Variants in PAIP2B observed in about 807,000 individuals in gnomAD.
The protein encoded by PAIP2B is poly(A) binding protein interacting protein 2B, also known as polyadenylate-binding protein-interacting protein 2B.
In PAIP2B, 13 loss-of-function variants were observed where a neutral mutation model predicts 17.0. That is an observed-to-expected ratio of 0.76 (90% CI 0.50 to 1.22). The LOEUF (loss-of-function observed/expected upper bound fraction) is 1.22, where lower values mean the gene tolerates loss of function less well. Among genes scored for constraint, PAIP2B ranks in the 50% most tolerant of loss-of-function variants. PAIP2B has a pLI of 0.00. For missense variants in PAIP2B, 117 were observed against 144.5 expected (o/e 0.81, Z 0.98); for synonymous variants, 43 against 48.7 (o/e 0.88, Z 0.48).
chr2:71,220,616 G>T (rs1328325377), intron 1 of PAIP2B, among the ~76,000 whole-genome samples: 1 of 152,160 alleles, frequency 6.6e-6, no homozygotes, highest in African/African-American at 2.4e-5. Context: ...TATTTGTATA[G>T]TGCTCCAGAG....
At chr2:71,190,892 T>C (rs1458035992) in intron 2 of PAIP2B, among the ~76,000 whole-genome samples, 4 of 152,234 alleles carry the variant, frequency 2.6e-5, no homozygotes, top group Non-Finnish European at 5.9e-5. Context: ...AGAACACTTT[T>C]TGGCATACCA....
chr2:71,203,683 C>T (rs1675047603), intron 1 of PAIP2B, among the ~76,000 whole-genome samples: 1 of 150,974 alleles, frequency 6.6e-6, no homozygotes, highest in African/African-American at 2.4e-5. Flanking sequence ...TATATCTTTT[C>T]CTTATCTTTT....
chr2:71,217,758 C>T (rs1366507645), intron 1 of PAIP2B, among the ~76,000 whole-genome samples: 1 of 152,120 alleles, frequency 6.6e-6, no homozygotes, highest in South Asian at 2.1e-4. Flanking sequence ...ATACCAAGAA[C>T]ACCACTAGCA....
chr2:71,193,287 G>A (rs746941586), intron 2 of PAIP2B, among the ~76,000 whole-genome samples: 3 of 151,932 alleles, frequency 2.0e-5, no homozygotes, highest in Non-Finnish European at 4.4e-5. Context: ...TTTTAATGGG[G>A]TTGTTTTTCT....
intron 1 of PAIP2B, among the ~76,000 whole-genome samples, chr2:71,213,030 T>C (rs1320354782): frequency 1.3e-5 from 2 of 152,024 alleles, no homozygotes; most frequent in African/African-American, 4.8e-5. Context: ...AGATTACAGA[T>C]GTGAGCCACT....
chr2:71,212,375 C>A (rs1224196955), intron 1 of PAIP2B, among the ~76,000 whole-genome samples: 1 of 152,142 alleles, frequency 6.6e-6, no homozygotes, highest in Non-Finnish European at 1.5e-5. Flanking sequence ...AGAATCAAGT[C>A]CTTTACAGCT....
intron 2 of PAIP2B, among the ~76,000 whole-genome samples, chr2:71,192,380 C>A (rs185312071): frequency 2.5e-3 from 381 of 151,418 alleles, no homozygotes; most frequent in African/African-American, 8.6e-3. Flanking sequence ...TGGTAATTCT[C>A]TCAATTTTTC....
chr2:71,220,063 T>C (rs1374573152), intron 1 of PAIP2B, among the ~76,000 whole-genome samples: 12 of 152,210 alleles, frequency 7.9e-5, no homozygotes, highest in Non-Finnish European at 1.8e-4. Context: ...ATAGTTTACT[T>C]AACCAGTTCC....
At chr2:71,203,469 C>A (rs915486568) in intron 1 of PAIP2B, among the ~76,000 whole-genome samples, 1 of 152,034 alleles carries the variant, frequency 6.6e-6, no homozygotes, top group African/African-American at 2.4e-5. Flanking sequence ...AAATTCCCAC[C>A]AGTGGTGTGG....
intron 1 of PAIP2B, among the ~76,000 whole-genome samples, chr2:71,212,343 C>G (rs1227535553): frequency 6.6e-6 from 1 of 152,136 alleles, no homozygotes; most frequent in African/African-American, 2.4e-5. Context: ...TAGTCTATAA[C>G]CTTGGAAGTT....
At chr2:71,206,231 T>C (rs1675124535) in intron 1 of PAIP2B, among the ~76,000 whole-genome samples, 1 of 152,176 alleles carries the variant, frequency 6.6e-6, no homozygotes, top group Admixed American at 6.5e-5. Flanking sequence ...CAATTTGAAA[T>C]AGGTCACTGC....
intron 1 of PAIP2B, among the ~76,000 whole-genome samples, chr2:71,222,298 G>T (rs548992181): frequency 6.6e-6 from 1 of 152,250 alleles, no homozygotes; most frequent in South Asian, 2.1e-4. Flanking sequence ...TTACTTCTGT[G>T]GCCACAAGTG....
Position 71,190,149 on chromosome 2 carries a change from G to A in PAIP2B, c.139-128C>T, listed in dbSNP as rs1385462945. 3 of 965,344 alleles carry A rather than the reference G, an allele frequency of 3.1e-6. No individual in the cohort carries two copies. The South Asian group carries it at 5.5e-5, about 18-fold the overall frequency. The allele number at this position is 965,344 out of a possible 1,614,324, so 59.8% of individuals were successfully genotyped here. A position where few individuals can be genotyped will look rare whatever the true frequency, so the allele number is the denominator to read the frequency against. On this transcript the variant is annotated intron_variant, in intron 2 of 3. Coordinates refer to ENST00000244221, the MANE Select transcript of PAIP2B (RefSeq NM_020459.1). ...TAAGAATGATCTTGAGCTGGGTGTG[G>A]TGGCTCACAACTGTAATCCCAGCAG... is the stretch of plus-strand genomic sequence containing the variant.
At chr2:71,196,286 G>A (rs1345378495) in intron 2 of PAIP2B, among the ~76,000 whole-genome samples, 1 of 152,136 alleles carries the variant, frequency 6.6e-6, no homozygotes. Context: ...AAGTCATTCA[G>A]GAGTATGTTG....
At chr2:71,206,380 C>G (rs567949044) in intron 1 of PAIP2B, among the ~76,000 whole-genome samples, 1 of 152,326 alleles carries the variant, frequency 6.6e-6, no homozygotes, top group South Asian at 2.1e-4. Context: ...CTCTTATACA[C>G]ATGTCAAACA....
chr2:71,186,531 C>T lies in PAIP2B; in HGVS notation c.*1948G>A, dbSNP rs865832583. On this transcript the variant is annotated 3_prime_UTR_variant, in exon 4 of 4. Coordinates refer to ENST00000244221, the MANE Select transcript of PAIP2B (RefSeq NM_020459.1). ...CTCTGCAATCCCAACGCATTTCTAA[C>T]AGCCTTCGGAATTCTGAGCTTGGAC... 1 of 152,218 alleles carries T rather than the reference C, an allele frequency of 6.6e-6. No individual in the cohort carries two copies. The highest frequency in any genetic ancestry group is 2.4e-5 in the African/African-American group (1 of 41,458). 9.4% of individuals were successfully genotyped at this position (152,218 alleles called of 1,614,324 possible).
chr2:71,207,737 G>C (rs1675172224), intron 1 of PAIP2B, among the ~76,000 whole-genome samples: 1 of 152,166 alleles, frequency 6.6e-6, no homozygotes, highest in Non-Finnish European at 1.5e-5. Context: ...TGAACTAGAT[G>C]TGGGGAGTCA....
chr2:71,226,029 TG>T (rs776610997), intron 1 of PAIP2B, among the ~76,000 whole-genome samples: 3 of 152,204 alleles, frequency 2.0e-5, no homozygotes, highest in Non-Finnish European at 2.9e-5. Context: ...TTCAATTTAC[TG>T]AAAATAATAG....
At chr2:71,208,146 G>A (rs62143411) in intron 1 of PAIP2B, among the ~76,000 whole-genome samples, 3,876 of 152,172 alleles carry the variant, frequency 0.025, 73 homozygotes, top group Middle Eastern at 0.048. Flanking sequence ...GGTAGAAGCC[G>A]GGCACTGTGG....
Sources: gnomAD v4.1 joint callset for allele counts (sites outside exome capture counted in the v4.1 genomes callset) on GRCh38, gnomAD v4.1.1 for gene constraint, MANE v1.5 for transcripts, NCBI Gene and HGNC (gene_info 2026-07-23, HGNC 2026-07-21) for gene names.